ASNSD1: variants seen among roughly 807,000 people sequenced by gnomAD.
The protein encoded by ASNSD1 is asparagine synthetase domain containing 1, also known as asparagine synthetase domain-containing protein 1.
In ASNSD1, 36 loss-of-function variants were observed where a neutral mutation model predicts 48.3. The ratio of observed to expected loss-of-function variants is 0.75; its 90% CI spans 0.57 to 0.99. The LOEUF (loss-of-function observed/expected upper bound fraction) is 0.99. Among genes scored for constraint, ASNSD1 ranks in the 50% least tolerant of loss-of-function variants. The probability of loss-of-function intolerance (pLI) is 0.00; values close to 1 mark genes in which losing one functional copy is unlikely to be tolerated. For synonymous variants in ASNSD1, 257 were observed against 262.1 expected, an observed-to-expected ratio of 0.98 and a Z score of 0.19; for missense variants, 714 against 758.2, an observed-to-expected ratio of 0.94 and a Z score of 0.69.
chr2:189,670,356 T>C, intron 5 of ASNSD1, 85 bp from the exon 6 acceptor site: 3 of 1,178,192 alleles, frequency 2.5e-6, no homozygotes, highest in Middle Eastern at 2.6e-4. Context: ...AACAATTTGG[T>C]TAAATTTTAG....
In ASNSD1 at chr2:189,670,596, A is replaced by G; in HGVS notation, c.1802A>G (p.Lys601Arg). The G allele has an allele frequency of 6.2e-7, 1 of 1,614,092 alleles. No individual in the cohort carries two copies. Residue 601 changes from lysine (K) to arginine (R), a missense_variant, in exon 6 of 6, where the codon AAA becomes AGA. By Grantham distance (26) the Lys-to-Arg change is conservative. Transcript: ENST00000260952. ...LGLTASALLP[K>R]RAMQFGSRIA... ...CTTACAGCCTCTGCTCTTCTGCCCA[A>G]ACGGGCCATGCAGTTTGGATCAAGA...
chr2:189,670,671 G>C lies in ASNSD1; in HGVS notation c.1877G>C (p.Arg626Pro), dbSNP rs776731930. ...INEKASDKCG[R>P]LQIMSLENLS... ...GAAAAGGCATCTGATAAATGTGGAC[G>C]GCTCCAAATCATGTCCTTAGAAAAT... Residue 626 changes from arginine (R) to proline (P), a missense_variant, in exon 6 of 6, where the codon CGG becomes CCG. Arg to Pro is a moderately radical substitution (Grantham distance 103). Coordinates refer to ENST00000260952, the MANE Select transcript of ASNSD1 (RefSeq NM_019048.4). 1 of 1,611,954 alleles carries C rather than the reference G, an allele frequency of 6.2e-7. No homozygotes were observed. Among genetic ancestry groups the C allele is most frequent in the South Asian group, 1.1e-5 (1 of 90,536 alleles).
chr2:189,666,831 C>A lies in ASNSD1; in HGVS notation c.699C>A (p.Ala233=), dbSNP rs1414020337. Residue 233 remains alanine, a synonymous_variant, in exon 4 of 6, where the codon GCC becomes GCA. Coordinates refer to ENST00000260952, the MANE Select transcript of ASNSD1 (RefSeq NM_019048.4). ...PAFVSVVANE[A]KLYLEKPVVP... is the part of the protein sequence containing the mutation. The stretch of plus-strand genomic sequence containing the variant: ...TTGTATCAGTGGTAGCAAATGAAGC[C>A]AAACTGTATCTTGAAAAACCTGTTG... The A allele has an allele frequency of 5.6e-6, 9 of 1,613,962 alleles. No individual in the cohort carries two copies. Among genetic ancestry groups the A allele is most frequent in the Non-Finnish European group, 7.6e-6 (9 of 1,180,024 alleles).
chr2:189,667,438 G>C lies in ASNSD1; in HGVS notation c.1306G>C (p.Glu436Gln). 1 of 1,614,176 alleles carries C rather than the reference G, an allele frequency of 6.2e-7. No homozygotes were observed. The highest frequency in any genetic ancestry group is 8.5e-7 in the Non-Finnish European group (1 of 1,180,024). ...TGTTGAAATTAATGTTTCTATGGAA[G>C]AACTGCAGAAATTAAGAAGAACTCG... Reference protein sequence around the residue: ...NFVEINVSMEELQKLRRTRIC... With the variant: ...NFVEINVSMEQLQKLRRTRIC... The change falls in exon 4 of 6, where the codon GAA (glutamate) becomes CAA (glutamine). Residue 436 changes from glutamate to glutamine, a missense_variant. Glu to Gln is a conservative substitution (Grantham distance 29). Coordinates refer to ENST00000260952, the MANE Select transcript of ASNSD1 (RefSeq NM_019048.4).
intron 1 of ASNSD1, among the ~76,000 whole-genome samples, 183 bp from the exon 2 acceptor site, chr2:189,663,718 A>C (rs2032725571): frequency 6.6e-6 from 1 of 152,168 alleles, no homozygotes; most frequent in African/African-American, 2.4e-5. Context: ...CTTTTCCTGA[A>C]CTGTACCCCC....
chr2:189,665,011 A>C (rs1016214953), intron 2 of ASNSD1, among the ~76,000 whole-genome samples: 1 of 152,220 alleles, frequency 6.6e-6, no homozygotes, highest in Non-Finnish European at 1.5e-5. Context: ...GTAATATATT[A>C]TATCTATATA....
At chr2:189,663,862 A>G (rs2032728317) in intron 1 of ASNSD1, 39 bp from the exon 2 acceptor site, 1 of 381,746 alleles carries the variant, frequency 2.6e-6, no homozygotes, top group Non-Finnish European at 4.7e-6. Flanking sequence ...GCATACTTTG[A>G]AAACATCTGA....
At chr2:189,663,732 C>T (rs146530100) in intron 1 of ASNSD1, among the ~76,000 whole-genome samples, 169 bp from the exon 2 acceptor site, 4 of 152,190 alleles carry the variant, frequency 2.6e-5, no homozygotes, top group African/African-American at 9.6e-5. Context: ...TACCCCCACA[C>T]AGAGACTCCT....
At chr2:189,667,999 G>A (rs1203606037) in intron 5 of ASNSD1, 54 bp downstream of exon 5, 9 of 1,498,898 alleles carry the variant, frequency 6.0e-6, no homozygotes, top group East Asian at 2.3e-5. Flanking sequence ...ACAGCAGAGT[G>A]TAAATGGAGA....
At position 189,665,764 on chromosome 2, in the gene ASNSD1, G is replaced by A. The variant is rs142371287; in HGVS notation, c.-92-277G>A. Among the ~76,000 whole-genome samples the A allele has an allele frequency of 1.7e-3, 257 of 151,498 alleles. 2 individuals carry two copies. The highest frequency in any genetic ancestry group is 5.8e-3 in the African/African-American group (239 of 41,262). On this transcript the variant is annotated intron_variant, in intron 3 of 5. Coordinates refer to ENST00000260952, the MANE Select transcript of ASNSD1 (RefSeq NM_019048.4). ...TGTGACTTTGGGTGAAATACTTTAAGCCTCCAAGGTATTGTGGGATCTAAA... is the reference window on the plus strand; with the variant it reads ...TGTGACTTTGGGTGAAATACTTTAAACCTCCAAGGTATTGTGGGATCTAAA...
chr2:189,666,209 A>G lies in ASNSD1; in HGVS notation c.77A>G (p.Asn26Ser). Residue 26 changes from asparagine (N) to serine (S), a missense_variant, in exon 4 of 6, where the codon AAT becomes AGT. Transcript: ENST00000260952. ...SQDLKEDLLY[N>S]LKQRGPNSSK... Reference sequence around the variant, plus strand: ...GATTTAAAAGAGGACTTACTATATAATCTTAAACAGCGGGGACCCAATAGT... The same window carrying G: ...GATTTAAAAGAGGACTTACTATATAGTCTTAAACAGCGGGGACCCAATAGT... 1 of 1,613,266 alleles carries G rather than the reference A, an allele frequency of 6.2e-7. No homozygotes were observed. The highest frequency in any genetic ancestry group is 8.5e-7 in the Non-Finnish European group (1 of 1,179,798).
rs762558957 is a variant in ASNSD1, at chr2:189,666,917, A to G, written c.785A>G (p.Asn262Ser). The G allele has an allele frequency of 4.3e-6, 7 of 1,614,080 alleles. No homozygotes were observed. The highest frequency in any genetic ancestry group is 2.2e-5 in the East Asian group (1 of 44,874). ...ALETHCSNISNVPPTREILQV... is the reference protein window; with the variant it reads ...ALETHCSNISSVPPTREILQV... ...GAGACTCATTGCAGTAATATTTCCAATGTGCCACCTACAAGAGAGATACTT... is the reference window on the plus strand; with the variant it reads ...GAGACTCATTGCAGTAATATTTCCAGTGTGCCACCTACAAGAGAGATACTT... The change falls in exon 4 of 6, where the codon AAT becomes AGT. Residue 262 changes from asparagine to serine, a missense_variant. Coordinates refer to ENST00000260952, the MANE Select transcript of ASNSD1 (RefSeq NM_019048.4).
rs777595485 is a variant in ASNSD1, at chr2:189,666,385, G to C, written c.253G>C (p.Val85Leu). The C allele has an allele frequency of 1.1e-5, 17 of 1,613,910 alleles. No individual in the cohort carries two copies. The Admixed American group carries it at 1.5e-4, about 14-fold the overall frequency. ...TGGAGAAATTTTTAGTGGAATAAAG[G>C]TTGAAGCTGAAGAGAATGACACTCA... The part of the protein sequence containing the change: ...WNGEIFSGIK[V>L]EAEENDTQIL... Residue 85 changes from valine to leucine, a missense_variant, in exon 4 of 6, where the codon GTT becomes CTT. Transcript: ENST00000260952.
At chr2:189,668,668 A>G (rs2032864019) in intron 5 of ASNSD1, among the ~76,000 whole-genome samples, 1 of 152,240 alleles carries the variant, frequency 6.6e-6, no homozygotes, top group Non-Finnish European at 1.5e-5. Context: ...CTCTATAGAC[A>G]TTTCTGTATG....
intron 1 of ASNSD1, 142 bp downstream of exon 1, chr2:189,661,752 TTGACAGCCAC>T: frequency 5.0e-6 from 2 of 397,596 alleles, no homozygotes; most frequent in Non-Finnish European, 8.9e-6. Context: ...TTCATAGCAC[TTGACAGCCAC>T]AGTTAGTCCT....
chr2:189,662,248 A>T (rs1394286145), intron 1 of ASNSD1, among the ~76,000 whole-genome samples: 3 of 152,198 alleles, frequency 2.0e-5, no homozygotes, highest in Non-Finnish European at 4.4e-5. Context: ...TATAAGCCTT[A>T]ACTGCCATAA....
intron 1 of ASNSD1, 47 bp downstream of exon 1, chr2:189,661,657 G>C (rs573820422): frequency 5.0e-6 from 2 of 399,218 alleles, no homozygotes; most frequent in African/African-American, 4.1e-5. Context: ...GGGACCGGGC[G>C]CCACTGGACC....
Position 189,670,772 on chromosome 2 carries a change from A to T in ASNSD1, c.*46A>T. ...TATAAAAATAAGTTTTTATATAATTATATAAAAGTAAGATACTCTGCTGCT... is the reference window on the plus strand; with the variant it reads ...TATAAAAATAAGTTTTTATATAATTTTATAAAAGTAAGATACTCTGCTGCT... On this transcript the variant is annotated 3_prime_UTR_variant, in exon 6 of 6. Transcript: ENST00000260952. 7.9e-7 allele frequency: 1 copy of T among 1,266,496 alleles called. No homozygotes were observed. The highest frequency in any genetic ancestry group is 1.0e-6 in the Non-Finnish European group (1 of 962,184). 78.5% of individuals were successfully genotyped at this position (1,266,496 alleles called of 1,614,324 possible).
rs67898532 is a variant in ASNSD1, at chr2:189,662,948, C to CAAAAAAA, written c.-222-938_-222-932dup. 3.9e-5 allele frequency among the ~76,000 whole-genome samples: 3 copies of CAAAAAAA among 77,004 alleles called. 1 individual carries two copies. The highest frequency in any genetic ancestry group is 1.5e-4 in the African/African-American group (3 of 19,636). The allele number at this position is 77,004 out of a possible 152,430, so 50.5% of individuals were successfully genotyped here. A position where few individuals can be genotyped will look rare whatever the true frequency, so the allele number is the denominator to read the frequency against. On this transcript the variant is annotated intron_variant, in intron 1 of 5. Transcript: ENST00000260952. ...TGGGTAACAGAGCAAGACCCTGTTT[C>CAAAAAAA]AAAAAAAAAAAAAAAAAAAAAGCCC...
Sources: gnomAD v4.1 joint callset for allele counts (sites outside exome capture counted in the v4.1 genomes callset) on GRCh38, gnomAD v4.1.1 for gene constraint, MANE v1.5 for transcripts, NCBI Gene and HGNC (gene_info 2026-07-23, HGNC 2026-07-21) for gene names.